Variants in GRB2 observed in about 807,000 individuals in gnomAD.
The protein encoded by GRB2 is growth factor receptor-bound protein 2.
Under a neutral mutation model 27.4 loss-of-function variants are expected in GRB2, and 2 were observed. The observed-to-expected ratio is 0.07, with a 90% CI of 0.03 to 0.23. GRB2 has a LOEUF of 0.23. Ranked by LOEUF, GRB2 falls within the 10% of genes least tolerant of loss-of-function variation. The pLI, the probability that GRB2 is intolerant of heterozygous loss-of-function variation, is 1.00. For synonymous variants in GRB2, 94 were observed against 99.6 expected, an observed-to-expected ratio of 0.94 and a Z score of 0.33; for missense variants, 102 against 282.4, an observed-to-expected ratio of 0.36 and a Z score of 4.58.
At chr17:75,321,632 A>G in intron 5 of GRB2, 27 bp downstream of exon 5, 1 of 1,608,172 alleles carries the variant, frequency 6.2e-7, no homozygotes, top group Non-Finnish European at 8.5e-7. Context: ...ACTAAAAATG[A>G]TCCCATCTCA....
At position 75,332,696 on chromosome 17, in the gene GRB2, T is replaced by G; in HGVS notation, c.176+4A>C. On this transcript the variant is annotated splice_donor_region_variant and intron_variant, in intron 3 of 5. Coordinates refer to ENST00000316804, the MANE Select transcript of GRB2 (RefSeq NM_002086.5). Reference sequence around the variant, plus strand: ...CCTTCCAAGACTAATGGAGCTTAACTTACGGATGTGGTTTCATTTCTATGT... The same window carrying G: ...CCTTCCAAGACTAATGGAGCTTAACGTACGGATGTGGTTTCATTTCTATGT... The G allele has an allele frequency of 6.3e-7, 1 of 1,579,096 alleles. No homozygotes were observed. The highest frequency in any genetic ancestry group is 8.7e-7 in the Non-Finnish European group (1 of 1,149,384).
chr17:75,330,815 G>A (rs1336819861), intron 3 of GRB2, among the ~76,000 whole-genome samples: 1 of 152,056 alleles, frequency 6.6e-6, no homozygotes, highest in Non-Finnish European at 1.5e-5. Context: ...CATCCCGTAG[G>A]CTCCCATCCA....
chr17:75,319,824 T>G lies in GRB2; in HGVS notation c.*544A>C, dbSNP rs1482221022. Reference sequence around the variant, plus strand: ...TACTGTGAACTTGGACAAAATACACTGGGGGTCTGGGCTGGAAGGCAGATT... The same window carrying G: ...TACTGTGAACTTGGACAAAATACACGGGGGGTCTGGGCTGGAAGGCAGATT... On this transcript the variant is annotated 3_prime_UTR_variant, in exon 6 of 6. Transcript: ENST00000316804. 1 of 152,850 alleles carries G rather than the reference T, an allele frequency of 6.5e-6. No individual in the cohort carries two copies. The highest frequency in any genetic ancestry group is 1.5e-5 in the Non-Finnish European group (1 of 68,568). The allele number at this position is 152,850 out of a possible 1,614,324, so 9.5% of individuals were successfully genotyped here.
chr17:75,346,455 C>T (rs763102705), intron 2 of GRB2, among the ~76,000 whole-genome samples: 5 of 152,034 alleles, frequency 3.3e-5, no homozygotes, highest in African/African-American at 4.8e-5. Flanking sequence ...GAGACTGCGC[C>T]ACTGCATTCC....
chr17:75,364,763 G>A (rs2078808772), intron 2 of GRB2, among the ~76,000 whole-genome samples: 1 of 151,772 alleles, frequency 6.6e-6, no homozygotes. Flanking sequence ...AATGAACTCA[G>A]AATAACAGGA....
At chr17:75,384,753 A>C (rs1461496816) in intron 2 of GRB2, among the ~76,000 whole-genome samples, 1 of 152,122 alleles carries the variant, frequency 6.6e-6, no homozygotes, top group Non-Finnish European at 1.5e-5. Flanking sequence ...AGTAAAAGTC[A>C]CCTGAAATTC....
Position 75,393,402 on chromosome 17 carries a change from A to G in GRB2, c.78+149T>C. On this transcript the variant is annotated intron_variant, in intron 2 of 5. Transcript: ENST00000316804. The stretch of plus-strand genomic sequence containing the variant: ...TTAAGTCATATTTAATATTCTACTC[A>G]GCATCTAAAGCTCTCCAGAACAAAT... 1.3e-5 allele frequency: 9 copies of G among 699,310 alleles called. No homozygotes were observed. The South Asian group carries it at 1.5e-4, about 12-fold the overall frequency. 43.3% of individuals were successfully genotyped at this position (699,310 alleles called of 1,614,324 possible).
At chr17:75,359,844 T>C (rs911295157) in intron 2 of GRB2, among the ~76,000 whole-genome samples, 5 of 152,186 alleles carry the variant, frequency 3.3e-5, no homozygotes, top group African/African-American at 9.7e-5. Context: ...CTCTACTAAA[T>C]TGAACTACTT....
chr17:75,404,681 T>C (rs546522235), intron 1 of GRB2, among the ~76,000 whole-genome samples: 7 of 152,260 alleles, frequency 4.6e-5, no homozygotes, highest in Middle Eastern at 3.4e-3. Flanking sequence ...AATAGACTAA[T>C]GCTAATTTCT....
At chr17:75,362,365 A>C in intron 2 of GRB2, among the ~76,000 whole-genome samples, 1 of 152,218 alleles carries the variant, frequency 6.6e-6, no homozygotes, top group East Asian at 1.9e-4. Context: ...TTATGCATGA[A>C]GAGTTGAGTT....
chr17:75,348,761 C>G (rs2078670154), intron 2 of GRB2, among the ~76,000 whole-genome samples: 1 of 152,236 alleles, frequency 6.6e-6, no homozygotes, highest in Admixed American at 6.5e-5. Context: ...ACTGCAGCCT[C>G]TGCCTCCTAG....
intron 2 of GRB2, among the ~76,000 whole-genome samples, chr17:75,386,906 T>C (rs2078967334): frequency 6.6e-6 from 1 of 152,184 alleles, no homozygotes; most frequent in Non-Finnish European, 1.5e-5. Context: ...CCAGGCGCGG[T>C]GGCTCACGCC....
At position 75,401,314 on chromosome 17, in the gene GRB2, G is replaced by A. The variant is rs371144701; in HGVS notation, c.-138+4175C>T. Among the ~76,000 whole-genome samples, 69 of 151,194 alleles carry A rather than the reference G, an allele frequency of 4.6e-4. 1 individual carries two copies. In the South Asian group the frequency reaches 0.014, roughly 30 times the overall value. ...CAAAAAATTAGCCGGGCGCGGTGGC[G>A]GGCGCCTGTAGTCCCAGCTACTCGG... On this transcript the variant is annotated intron_variant, in intron 1 of 5. Transcript: ENST00000316804.
intron 1 of GRB2, 146 bp from the exon 2 acceptor site, chr17:75,393,911 C>CG (rs909262333): frequency 8.4e-5 from 41 of 485,498 alleles, no homozygotes; most frequent in Admixed American, 3.9e-5. Flanking sequence ...CAGCCCCCCC[C>CG]CGCCGACTTC....
At position 75,339,033 on chromosome 17, in the gene GRB2, G is replaced by A. The variant is rs973380193; in HGVS notation, c.79-6236C>T. 14 of 1,262,932 alleles carry A rather than the reference G, an allele frequency of 1.1e-5. 1 individual carries two copies. Among genetic ancestry groups the A allele is most frequent in the Non-Finnish European group, 1.6e-5 (14 of 863,964 alleles). The allele number at this position is 1,262,932 out of a possible 1,614,324, so 78.2% of individuals were successfully genotyped here. Reference sequence around the variant, plus strand: ...AAACCACAAAGAAGACTGTGCTAAGGCTTGAGTGCGTTGAGCCCAACTGCA... The same window carrying A: ...AAACCACAAAGAAGACTGTGCTAAGACTTGAGTGCGTTGAGCCCAACTGCA... On this transcript the variant is annotated intron_variant, in intron 2 of 5. Coordinates refer to ENST00000316804, the MANE Select transcript of GRB2 (RefSeq NM_002086.5).
chr17:75,403,140 A>C (rs2079074570), intron 1 of GRB2, among the ~76,000 whole-genome samples: 1 of 76,974 alleles, frequency 1.3e-5, no homozygotes, highest in Admixed American at 1.8e-4. Flanking sequence ...GAAAAAGGCA[A>C]CTTTGACCAA....
intron 2 of GRB2, chr17:75,344,570 T>G (rs1401682977): frequency 6.6e-6 from 1 of 152,064 alleles, no homozygotes; most frequent in Non-Finnish European, 1.5e-5. Flanking sequence ...TTCTATATTT[T>G]CAGTACAGAC....
chr17:75,324,007 T>C (rs1300740154), intron 4 of GRB2, among the ~76,000 whole-genome samples: 1 of 151,396 alleles, frequency 6.6e-6, no homozygotes, highest in African/African-American at 2.4e-5. Context: ...GGACAGTGTT[T>C]CACCATATTG....
At position 75,325,190 on chromosome 17, in the gene GRB2, T is replaced by A. The variant is rs7226334; in HGVS notation, c.299+708A>T. On this transcript the variant is annotated intron_variant, in intron 4 of 5. Transcript: ENST00000316804. The stretch of plus-strand genomic sequence containing the variant: ...TCTGAGTGTTGAATCTAATTACTTC[T>A]TTATATATAACTGATGAAGTGATCT... 9.7e-3 allele frequency among the ~76,000 whole-genome samples: 1,475 copies of A among 152,312 alleles called. 28 individuals are homozygous for A. Among genetic ancestry groups the A allele is most frequent in the South Asian group, 0.049 (234 of 4,822 alleles).
Sources: allele counts gnomAD v4.1 joint callset (sites outside exome capture counted in the v4.1 genomes callset), GRCh38; gene constraint gnomAD v4.1.1; transcripts MANE v1.5; gene names NCBI Gene and HGNC (gene_info 2026-07-23, HGNC 2026-07-21).